MAPK8: variants seen among roughly 807,000 people sequenced by gnomAD.
MAPK8 encodes the protein mitogen-activated protein kinase 8, also known as JUN N-terminal kinase.
A neutral mutation model predicts 52.9 loss-of-function variants in MAPK8; 13 were observed. The observed-to-expected ratio is 0.25, with a 90% confidence interval of 0.16 to 0.39. The LOEUF (loss-of-function observed/expected upper bound fraction) is 0.39, where lower values mean the gene tolerates loss of function less well. Ranked by LOEUF, MAPK8 falls within the 10% of genes least tolerant of loss-of-function variation. The probability of loss-of-function intolerance (pLI) is 1.00; values close to 1 mark genes in which losing one functional copy is unlikely to be tolerated. For missense variants in MAPK8, 300 were observed against 519.2 expected, an observed-to-expected ratio of 0.58 and a Z score of 4.10; for synonymous variants, 191 against 169.8, an observed-to-expected ratio of 1.12 and a Z score of -0.97.
chr10:48,383,094 C>CT (rs201000293), intron 1 of MAPK8, among the ~76,000 whole-genome samples: 30 of 150,846 alleles, frequency 2.0e-4, no homozygotes, highest in Admixed American at 6.6e-4. Context: ...TGGCTTTTGA[C>CT]TTTTTTTTTC....
At chr10:48,405,127 A>ATC (rs1554830659) in intron 3 of MAPK8, 146 bp downstream of exon 3, 54 of 276,890 alleles carry the variant, frequency 2.0e-4, no homozygotes, top group Middle Eastern at 2.4e-3. Context: ...ATATATATAT[A>ATC]TCTACAGGGT....
At chr10:48,345,282 T>C (rs545988788) in intron 1 of MAPK8, among the ~76,000 whole-genome samples, 1 of 152,194 alleles carries the variant, frequency 6.6e-6, no homozygotes, top group Non-Finnish European at 1.5e-5. Context: ...CTTTATTTCT[T>C]TATTGTTAAC....
In MAPK8 at chr10:48,436,224, A is replaced by G. The variant is rs1443985396; in HGVS notation, c.*1195A>G. The G allele has an allele frequency of 6.6e-6, 1 of 152,256 alleles. No homozygotes were observed. Among genetic ancestry groups the G allele is most frequent in the Non-Finnish European group, 1.5e-5 (1 of 68,048 alleles). 9.4% of individuals were successfully genotyped at this position (152,256 alleles called of 1,614,324 possible). On this transcript the variant is annotated 3_prime_UTR_variant, in exon 12 of 12. Transcript: ENST00000374189. ...TAAGGACTGTTTCTTCACATTGAGCAGAGCAGGCATAAATGGTGGTTATTT... is the reference window on the plus strand; with the variant it reads ...TAAGGACTGTTTCTTCACATTGAGCGGAGCAGGCATAAATGGTGGTTATTT...
intron 1 of MAPK8, among the ~76,000 whole-genome samples, chr10:48,314,054 AT>A (rs1236428510): frequency 6.6e-6 from 1 of 152,102 alleles, no homozygotes; most frequent in Non-Finnish European, 1.5e-5. Flanking sequence ...GTGGTATTCC[AT>A]TTGTCTTACT....
intron 1 of MAPK8, among the ~76,000 whole-genome samples, chr10:48,324,700 G>A (rs1341654651): frequency 6.6e-6 from 1 of 151,372 alleles, no homozygotes; most frequent in Non-Finnish European, 1.5e-5. Context: ...TTTTGGCTTA[G>A]TTACTCCTGT....
intron 1 of MAPK8, among the ~76,000 whole-genome samples, chr10:48,377,830 A>G (rs1482260497): frequency 1.3e-5 from 2 of 152,200 alleles, no homozygotes; most frequent in Non-Finnish European, 1.5e-5. Flanking sequence ...AGTGACTACA[A>G]AAGTTGCTTA....
At chr10:48,334,642 A>G (rs979944988) in intron 1 of MAPK8, among the ~76,000 whole-genome samples, 3 of 152,096 alleles carry the variant, frequency 2.0e-5, no homozygotes, top group Non-Finnish European at 4.4e-5. Context: ...GGGCCACCTA[A>G]ATCGGGTGAG....
chr10:48,374,589 A>G (rs2590385), intron 1 of MAPK8, among the ~76,000 whole-genome samples: 126,287 of 152,092 alleles, frequency 0.83, 52,956 homozygotes, highest in African/African-American at 0.96. Flanking sequence ...ACCAACTACC[A>G]TCAGAGAATA....
At chr10:48,370,727 A>T (rs1026402275) in intron 1 of MAPK8, among the ~76,000 whole-genome samples, 1 of 152,130 alleles carries the variant, frequency 6.6e-6, no homozygotes, top group Non-Finnish European at 1.5e-5. Flanking sequence ...TAAACATGGA[A>T]GGAAGAGCAA....
At chr10:48,429,448 G>A (rs1273562882) in intron 10 of MAPK8, among the ~76,000 whole-genome samples, 1 of 152,144 alleles carries the variant, frequency 6.6e-6, no homozygotes, top group East Asian at 1.9e-4. Context: ...CCCACAGACT[G>A]CCTTTTTCAA....
intron 1 of MAPK8, among the ~76,000 whole-genome samples, chr10:48,379,512 A>G (rs1310732068): frequency 1.3e-5 from 2 of 152,186 alleles, no homozygotes; most frequent in East Asian, 3.8e-4. Flanking sequence ...TAGTTCCCAA[A>G]TTCTGGAGAA....
intron 1 of MAPK8, among the ~76,000 whole-genome samples, chr10:48,377,360 T>A (rs201372876): frequency 1.3e-4 from 19 of 150,504 alleles, no homozygotes; most frequent in South Asian, 2.1e-4. Context: ...AAGTATAATT[T>A]AAAAAAAAAA....
intron 9 of MAPK8, 54 bp downstream of exon 9, chr10:48,426,558 GA>G: frequency 1.3e-6 from 2 of 1,541,244 alleles, no homozygotes; most frequent in Non-Finnish European, 1.8e-6. Context: ...GAGTTAGAAT[GA>G]CAGTTAGGTT....
chr10:48,347,028 G>A (rs1845854313), intron 1 of MAPK8, among the ~76,000 whole-genome samples: 1 of 152,164 alleles, frequency 6.6e-6, no homozygotes. Flanking sequence ...CGCATTGGTG[G>A]TAGTGGTCCC....
intron 1 of MAPK8, among the ~76,000 whole-genome samples, chr10:48,375,040 A>G (rs908804603): frequency 1.3e-5 from 2 of 151,960 alleles, no homozygotes; most frequent in African/African-American, 2.4e-5. Context: ...CTTATCCACC[A>G]TGATCAAGTC....
intron 1 of MAPK8, among the ~76,000 whole-genome samples, chr10:48,401,241 C>G (rs1002569613): frequency 6.6e-6 from 1 of 152,114 alleles, no homozygotes; most frequent in South Asian, 2.1e-4. Context: ...GGTTTTTATT[C>G]TCTATAATAA....
rs760569550 is a variant in MAPK8, at chr10:48,424,179, G to A, written c.688+20G>A. ...GGGACTGTATCCTTGTGCTGCTGCA[G>A]CAGTTAATTAGTTAGGCGATGAACT... On this transcript the variant is annotated intron_variant, in intron 7 of 11. Coordinates refer to ENST00000374189, the MANE Select transcript of MAPK8 (RefSeq NM_001323329.2). The A allele has an allele frequency of 6.2e-7, 1 of 1,603,358 alleles. No homozygotes were observed. Among genetic ancestry groups the A allele is most frequent in the South Asian group, 1.1e-5 (1 of 90,408 alleles).
At chr10:48,416,737 ACAGAC>A (rs1483416157) in intron 5 of MAPK8, among the ~76,000 whole-genome samples, 1 of 152,184 alleles carries the variant, frequency 6.6e-6, no homozygotes. Flanking sequence ...ATTCTTCTGT[ACAGAC>A]ATTGTGAGTG....
At chr10:48,371,460 AT>A (rs771022438) in intron 1 of MAPK8, among the ~76,000 whole-genome samples, 8 of 151,838 alleles carry the variant, frequency 5.3e-5, no homozygotes, top group Non-Finnish European at 1.2e-4. Flanking sequence ...TTATTCAAGG[AT>A]TTTTTTCCCC....
Sources: allele counts gnomAD v4.1 joint callset (sites outside exome capture counted in the v4.1 genomes callset), GRCh38; gene constraint gnomAD v4.1.1; transcripts MANE v1.5; gene names NCBI Gene and HGNC (gene_info 2026-07-23, HGNC 2026-07-21).